Variants in TBPL2 observed in about 807,000 individuals in gnomAD.
TBPL2 encodes TATA box-binding protein-like 2.
Under a neutral mutation model 38.2 loss-of-function variants are expected in TBPL2, and 40 were observed. That is an observed-to-expected ratio of 1.05 (90% CI 0.81 to 1.36). The LOEUF (loss-of-function observed/expected upper bound fraction) is 1.36, where lower values mean the gene tolerates loss of function less well. Ranked by LOEUF, TBPL2 falls within the 40% of genes most tolerant of loss-of-function variation. The pLI, the probability that TBPL2 is intolerant of heterozygous loss-of-function variation, is 0.00. For missense variants in TBPL2, 461 were observed against 456.7 expected (o/e 1.01, Z -0.09); for synonymous variants, 169 against 171.7 (o/e 0.98, Z 0.12).
At chr14:55,414,476 A>T in intron 6 of TBPL2, 21 bp from the exon 7 acceptor site, 1 of 1,544,150 alleles carries the variant, frequency 6.5e-7, no homozygotes, top group Non-Finnish European at 8.7e-7. Context: ...ATCCAGGTTT[A>T]TATAATTTTT....
chr14:55,417,703 C>T (rs1885688757), intron 6 of TBPL2, among the ~76,000 whole-genome samples: 1 of 152,190 alleles, frequency 6.6e-6, no homozygotes, highest in Non-Finnish European at 1.5e-5. Flanking sequence ...CTCAAGTGAT[C>T]TGCCCACCTT....
At chr14:55,428,441 C>T (rs1036724691) in intron 5 of TBPL2, among the ~76,000 whole-genome samples, 2 of 151,996 alleles carry the variant, frequency 1.3e-5, no homozygotes, top group African/African-American at 4.8e-5. Flanking sequence ...TGTATGCTTA[C>T]AAATCTGTAG....
intron 4 of TBPL2, among the ~76,000 whole-genome samples, 198 bp downstream of exon 4, chr14:55,433,432 T>C (rs555663476): frequency 6.6e-6 from 1 of 151,626 alleles, no homozygotes; most frequent in African/African-American, 2.4e-5. Flanking sequence ...GGATTACAGA[T>C]GTGAGCCACC....
chr14:55,436,602 C>T (rs1465857449), exon 2 of TBPL2: 2 of 1,614,174 alleles, frequency 1.2e-6, no homozygotes, highest in Admixed American at 1.7e-5. Context: ...AAATAGGGGT[C>T]ATTGGTGTCA....
intron 6 of TBPL2, among the ~76,000 whole-genome samples, chr14:55,421,755 AC>A (rs1462759785): frequency 6.6e-6 from 1 of 152,078 alleles, no homozygotes; most frequent in Non-Finnish European, 1.5e-5. Flanking sequence ...GAGCCACCAT[AC>A]CCAGAAACTT....
rs1885878553 is a variant in TBPL2, at chr14:55,428,984, G to T, written c.789-10C>A. On this transcript the variant is annotated splice_polypyrimidine_tract_variant and intron_variant, in intron 4 of 6. Coordinates refer to ENST00000247219, the Ensembl canonical transcript of TBPL2. Reference sequence around the variant, plus strand: ...TCGAGACTGCTCTTCACTGGGGAGGGGCAAATATGTTTAAAGATGTCTTAA... The same window carrying T: ...TCGAGACTGCTCTTCACTGGGGAGGTGCAAATATGTTTAAAGATGTCTTAA... The T allele has an allele frequency of 1.2e-6, 2 of 1,613,592 alleles. No homozygotes were observed. Among genetic ancestry groups the T allele is most frequent in the Non-Finnish European group, 1.7e-6 (2 of 1,179,902 alleles).
intron 1 of TBPL2, among the ~76,000 whole-genome samples, chr14:55,439,617 C>CCCCCCCCCCCCCCG (rs762700151): frequency 4.5e-4 from 33 of 72,636 alleles, no homozygotes; most frequent in Admixed American, 7.0e-4. Context: ...AAAGCAAACC[C>CCCCCCCCCCCCCCG]CCCCCCGTCT....
exon 2 of TBPL2, chr14:55,436,920 C>A: frequency 6.2e-7 from 1 of 1,614,116 alleles, no homozygotes; most frequent in South Asian, 1.1e-5. Context: ...CTTCAGGGTT[C>A]GAATTAAATG....
chr14:55,428,852 G>A, exon 5 of TBPL2: 1 of 1,614,112 alleles, frequency 6.2e-7, no homozygotes, highest in Non-Finnish European at 8.5e-7. Context: ...CAGCCTGATG[G>A]GAAATCTCAC....
At chr14:55,428,401 A>G (rs75053482) in intron 5 of TBPL2, among the ~76,000 whole-genome samples, 11,193 of 152,054 alleles carry the variant, frequency 0.074, 428 homozygotes, top group Non-Finnish European at 0.085. Flanking sequence ...CACATGCCTT[A>G]TCTTGCCAGT....
At chr14:55,418,573 G>A (rs572904734) in intron 6 of TBPL2, among the ~76,000 whole-genome samples, 12 of 152,272 alleles carry the variant, frequency 7.9e-5, no homozygotes, top group East Asian at 1.9e-4. Context: ...ACATCCTGTC[G>A]TGTCTCTGGC....
intron 4 of TBPL2, among the ~76,000 whole-genome samples, chr14:55,429,741 A>G (rs8007309): frequency 0.73 from 101,769 of 138,664 alleles, 37,809 homozygotes; most frequent in African/African-American, 0.86. Flanking sequence ...ACTCCAGCCT[A>G]GGCAACAAGA....
intron 6 of TBPL2, among the ~76,000 whole-genome samples, chr14:55,416,300 T>A (rs1352964961): frequency 2.0e-5 from 3 of 152,224 alleles, no homozygotes; most frequent in Non-Finnish European, 4.4e-5. Context: ...CTTAATTTTT[T>A]AAGAAATAAG....
chr14:55,438,038 A>G (rs773394204), intron 1 of TBPL2, among the ~76,000 whole-genome samples: 1 of 152,204 alleles, frequency 6.6e-6, no homozygotes, highest in African/African-American at 2.4e-5. Context: ...GGACTTTATT[A>G]TGGGAAAAAA....
chr14:55,428,843 A>C, exon 5 of TBPL2: 1 of 1,614,220 alleles, frequency 6.2e-7, no homozygotes, highest in Non-Finnish European at 8.5e-7. Context: ...CAAACCTTCC[A>C]GCCTGATGGG....
At chr14:55,431,835 T>C (rs1260466594) in intron 4 of TBPL2, among the ~76,000 whole-genome samples, 1 of 152,222 alleles carries the variant, frequency 6.6e-6, no homozygotes, top group East Asian at 1.9e-4. Flanking sequence ...ATTAGCTGTA[T>C]TTCAAGTGCT....
intron 3 of TBPL2, among the ~76,000 whole-genome samples, chr14:55,434,206 A>C (rs1404130258): frequency 6.6e-6 from 1 of 152,238 alleles, no homozygotes; most frequent in Non-Finnish European, 1.5e-5. Context: ...AATGACCAAA[A>C]TGCAGAAGAG....
intron 1 of TBPL2, among the ~76,000 whole-genome samples, chr14:55,439,724 A>G (rs1886078486): frequency 6.6e-6 from 1 of 151,516 alleles, no homozygotes; most frequent in Non-Finnish European, 1.5e-5. Flanking sequence ...AGGTCAGGAG[A>G]TCGAGACCAT....
intron 3 of TBPL2, 47 bp downstream of exon 3, chr14:55,435,800 A>T: frequency 7.7e-7 from 1 of 1,298,042 alleles, no homozygotes; most frequent in Admixed American, 2.5e-5. Flanking sequence ...AAGAAAAGTA[A>T]ATCTAAAGAG....
Sources: allele counts gnomAD v4.1 joint callset (sites outside exome capture counted in the v4.1 genomes callset), GRCh38; gene constraint gnomAD v4.1.1; transcripts MANE v1.5; gene names NCBI Gene and HGNC (gene_info 2026-07-23, HGNC 2026-07-21).